MYT1L: variants seen among roughly 807,000 people sequenced by gnomAD.
The protein encoded by MYT1L is myelin transcription factor 1-like protein.
MYT1L carries 12 observed loss-of-function variants against 126.7 expected under a neutral mutation model. The ratio of observed to expected loss-of-function variants is 0.09; its 90% CI spans 0.06 to 0.15. MYT1L has a LOEUF of 0.15. Ranked by LOEUF, MYT1L falls within the 10% of genes least tolerant of loss-of-function variation. The pLI, the probability that MYT1L is intolerant of heterozygous loss-of-function variation, is 1.00. For missense variants in MYT1L, 979 were observed against 1,585.2 expected, an observed-to-expected ratio of 0.62 and a Z score of 6.49; for synonymous variants, 541 against 604.2, an observed-to-expected ratio of 0.90 and a Z score of 1.53.
Position 2,138,104 on chromosome 2 carries a change from G to T in MYT1L, c.-304+34768C>A, listed in dbSNP as rs574268021. On this transcript the variant is annotated intron_variant, in intron 3 of 24. Coordinates refer to ENST00000647738, the MANE Select transcript of MYT1L (RefSeq NM_001303052.2). ...ACATGAAAAAATGCTCACCATCACT[G>T]TCCATCAGAGAAATGCAAATCAAAA... Among the ~76,000 whole-genome samples the T allele has an allele frequency of 7.7e-3, 1,169 of 152,310 alleles. 4 individuals carry two copies. The highest frequency in any genetic ancestry group is 9.8e-3 in the Non-Finnish European group (664 of 68,036).
At chr2:2,149,710 C>A (rs2085440606) in intron 3 of MYT1L, among the ~76,000 whole-genome samples, 1 of 152,208 alleles carries the variant, frequency 6.6e-6, no homozygotes, top group African/African-American at 2.4e-5. Context: ...CCCTCATTTG[C>A]AGAAGAAGGA....
intron 18 of MYT1L, among the ~76,000 whole-genome samples, chr2:1,870,181 C>G (rs2046104513): frequency 6.6e-6 from 1 of 152,174 alleles, no homozygotes; most frequent in African/African-American, 2.4e-5. Flanking sequence ...TTTCACGGTG[C>G]AGAGAAAGCT....
intron 3 of MYT1L, among the ~76,000 whole-genome samples, chr2:2,159,033 C>T (rs2087294710): frequency 6.6e-6 from 1 of 152,206 alleles, no homozygotes. Context: ...ACATCTAAAA[C>T]ACTCAGTGCA....
chr2:2,096,349 C>A (rs578120434), intron 3 of MYT1L, among the ~76,000 whole-genome samples: 1 of 152,184 alleles, frequency 6.6e-6, no homozygotes, highest in Non-Finnish European at 1.5e-5. Flanking sequence ...ACAGGAGCCC[C>A]CGCTCTGCTC....
chr2:1,954,341 C>A (rs1442145906), intron 8 of MYT1L, among the ~76,000 whole-genome samples: 1 of 152,174 alleles, frequency 6.6e-6, no homozygotes, highest in Non-Finnish European at 1.5e-5. Flanking sequence ...GACGCCCCAG[C>A]CACAGTCACG....
intron 3 of MYT1L, among the ~76,000 whole-genome samples, chr2:2,068,453 G>T (rs2074145091): frequency 6.6e-6 from 1 of 152,108 alleles, no homozygotes; most frequent in Non-Finnish European, 1.5e-5. Flanking sequence ...TTCACAACTG[G>T]CTTCCTGCAA....
At chr2:1,809,007 C>A (rs973470620) in intron 22 of MYT1L, 69 bp downstream of exon 22, 2 of 1,379,110 alleles carry the variant, frequency 1.5e-6, no homozygotes, top group African/African-American at 2.8e-5. Flanking sequence ...AAAGGACACA[C>A]AGCTGGCATG....
At chr2:2,269,795 G>T (rs914736771) in intron 2 of MYT1L, among the ~76,000 whole-genome samples, 5 of 152,106 alleles carry the variant, frequency 3.3e-5, no homozygotes. Context: ...CTCCAATCAA[G>T]AAGGCAGAAT....
rs1298388866 is a variant in MYT1L at position 2,236,844 on chromosome 2, G to A, written c.-421+47560C>T. Among the ~76,000 whole-genome samples, 15 of 130,088 alleles carry A rather than the reference G, an allele frequency of 1.2e-4. No homozygotes were observed. The South Asian group carries it at 1.9e-3, about 17-fold the overall frequency. 85.3% of individuals were successfully genotyped at this position (130,088 alleles called of 152,430 possible). A position where few individuals can be genotyped will look rare whatever the true frequency, so the allele number is the denominator to read the frequency against. ...TTTTTTTTTTTTTTGATGGAGTTTC[G>A]CTCTTGTTGCCCAGGCTGGAATGCA... is the stretch of plus-strand genomic sequence containing the variant. On this transcript the variant is annotated intron_variant, in intron 2 of 24. Transcript: ENST00000647738.
intron 8 of MYT1L, among the ~76,000 whole-genome samples, chr2:1,963,825 G>A (rs2149398791): frequency 6.6e-6 from 1 of 152,282 alleles, no homozygotes; most frequent in South Asian, 2.1e-4. Context: ...AGAATGCTGT[G>A]GCTGGTTTGA....
At position 1,823,125 on chromosome 2, in the gene MYT1L, C is replaced by T. The variant is rs553441709; in HGVS notation, c.3081-13958G>A. On this transcript the variant is annotated intron_variant, in intron 21 of 24. Coordinates refer to ENST00000647738, the MANE Select transcript of MYT1L (RefSeq NM_001303052.2). ...CTTTTGCCCTAAGCTCCTCAAATGG[C>T]ATCGACACGTGGGAGGAAAAGATCC... Among the ~76,000 whole-genome samples the T allele has an allele frequency of 1.2e-4, 18 of 152,274 alleles. 1 individual carries two copies. In the East Asian group the frequency reaches 3.5e-3, roughly 30 times the overall value.
chr2:2,275,019 C>T (rs535372115), intron 2 of MYT1L, among the ~76,000 whole-genome samples: 1 of 152,202 alleles, frequency 6.6e-6, no homozygotes, highest in Non-Finnish European at 1.5e-5. Flanking sequence ...CAGTGTTGCA[C>T]CCAGAGCATG....
chr2:2,155,377 T>C (rs538629091), intron 3 of MYT1L, among the ~76,000 whole-genome samples: 18 of 152,252 alleles, frequency 1.2e-4, no homozygotes, highest in Non-Finnish European at 1.9e-4. Context: ...CTTCTTGAAA[T>C]CTTGTTTTTT....
At chr2:1,865,606 GCAGCTAGGCCAGGTTA>G (rs894101674) in intron 18 of MYT1L, among the ~76,000 whole-genome samples, 13 of 151,174 alleles carry the variant, frequency 8.6e-5, no homozygotes, top group Non-Finnish European at 1.6e-4. Context: ...TTTTTTTTAA[GCAGCTAGGCCAGGTTA>G]CAGAGGTCCC....
At chr2:2,282,567 G>T (rs928590232) in intron 2 of MYT1L, among the ~76,000 whole-genome samples, 1 of 152,142 alleles carries the variant, frequency 6.6e-6, no homozygotes, top group Non-Finnish European at 1.5e-5. Flanking sequence ...ATATAGTCTT[G>T]AGTCAAGCAA....
chr2:2,039,698 T>A (rs2067311278), intron 4 of MYT1L, among the ~76,000 whole-genome samples: 1 of 152,162 alleles, frequency 6.6e-6, no homozygotes, highest in Non-Finnish European at 1.5e-5. Flanking sequence ...TGATGAGGAA[T>A]AGGATGAGTT....
chr2:2,108,084 C>A lies in MYT1L; in HGVS notation c.-303-53961G>T, dbSNP rs990183501. On this transcript the variant is annotated intron_variant, in intron 3 of 24. Coordinates refer to ENST00000647738, the MANE Select transcript of MYT1L (RefSeq NM_001303052.2). ...AAACGAACACCTTGGTTTGTCTTTC[C>A]AGACAAACCAGGAGGAGATGGGCAG... Among the ~76,000 whole-genome samples, 8 of 152,076 alleles carry A rather than the reference C, an allele frequency of 5.3e-5. 1 individual carries two copies. The highest frequency in any genetic ancestry group is 1.7e-4 in the African/African-American group (7 of 41,416).
chr2:1,911,900 C>G, intron 12 of MYT1L, 120 bp downstream of exon 12: 1 of 664,784 alleles, frequency 1.5e-6, no homozygotes, highest in South Asian at 3.1e-5. Context: ...TATGGAGGTG[C>G]CCGCACTTGG....
intron 2 of MYT1L, among the ~76,000 whole-genome samples, chr2:2,266,006 G>T (rs1016665007): frequency 3.3e-5 from 5 of 152,144 alleles, no homozygotes; most frequent in Admixed American, 3.3e-4. Flanking sequence ...GAATAGCTCC[G>T]GGTGCAGGTC....
Sources: gnomAD v4.1 joint callset for allele counts (sites outside exome capture counted in the v4.1 genomes callset) on GRCh38, gnomAD v4.1.1 for gene constraint, MANE v1.5 for transcripts, NCBI Gene and HGNC (gene_info 2026-07-23, HGNC 2026-07-21) for gene names.